Variants in CENPP observed in about 807,000 individuals in gnomAD.
CENPP encodes centromere protein P.
Under a neutral mutation model 35.6 loss-of-function variants are expected in CENPP, and 24 were observed. The ratio of observed to expected loss-of-function variants is 0.67; its 90% confidence interval spans 0.49 to 0.95. The LOEUF is 0.95. CENPP is among the 40% of genes least tolerant of loss of function. The pLI is 0.00. For synonymous variants in CENPP, 120 were observed against 125.5 expected (o/e 0.96, Z 0.29); for missense variants, 332 against 345.3 (o/e 0.96, Z 0.31).
chr9:92,613,187 T>C lies in CENPP; in HGVS notation c.*38T>C, dbSNP rs1365306781. The stretch of plus-strand genomic sequence containing the variant: ...GAACGTGGAGGATGAAGATGCTGCG[T>C]GGAGGAACATGCAATTTTATTCAAT... On this transcript the variant is annotated 3_prime_UTR_variant, in exon 8 of 8. Transcript: ENST00000375587. 2 of 1,612,572 alleles carry C rather than the reference T, an allele frequency of 1.2e-6. No homozygotes were observed. Among genetic ancestry groups the C allele is most frequent in the East Asian group, 4.5e-5 (2 of 44,838 alleles).
chr9:92,415,542 CTA>C lies in CENPP; in HGVS notation c.564+35685_564+35686del, dbSNP rs1358126429. 10 of 867,360 alleles carry C rather than the reference CTA, an allele frequency of 1.2e-5. No individual in the cohort carries two copies. In the African/African-American group the frequency reaches 1.2e-4, roughly 11 times the overall value. 53.7% of individuals were successfully genotyped at this position (867,360 alleles called of 1,614,324 possible). A position where few individuals can be genotyped will look rare whatever the true frequency, so the allele number is the denominator to read the frequency against. On this transcript the variant is annotated intron_variant, in intron 5 of 7. Coordinates refer to ENST00000375587, the MANE Select transcript of CENPP (RefSeq NM_001012267.3). Reference sequence around the variant, plus strand: ...ATAATCCATAGTTATAGCCATAATTCTATGTTAGATTTTATATTGTATGGGAT... The same window carrying C: ...ATAATCCATAGTTATAGCCATAATTCTGTTAGATTTTATATTGTATGGGAT...
At chr9:92,586,148 C>T (rs540451506) in intron 5 of CENPP, among the ~76,000 whole-genome samples, 3 of 152,276 alleles carry the variant, frequency 2.0e-5, no homozygotes, top group East Asian at 3.9e-4. Context: ...CGGTTTCAGA[C>T]GATTCTCCTG....
At chr9:92,462,020 CA>C (rs1207088681) in intron 5 of CENPP, among the ~76,000 whole-genome samples, 2 of 152,000 alleles carry the variant, frequency 1.3e-5, no homozygotes, top group Non-Finnish European at 1.5e-5. Context: ...CTCTGTCACC[CA>C]GGCTGGAGTG....
intron 5 of CENPP, among the ~76,000 whole-genome samples, chr9:92,472,521 G>A (rs1319978423): frequency 6.6e-6 from 1 of 150,692 alleles, no homozygotes; most frequent in African/African-American, 2.4e-5. Context: ...AGCCAGGCAT[G>A]GTGGTGTGCG....
chr9:92,388,016 G>A (rs577896286), intron 5 of CENPP, among the ~76,000 whole-genome samples: 119 of 151,724 alleles, frequency 7.8e-4, no homozygotes, highest in Non-Finnish European at 1.3e-3. Flanking sequence ...TGCCCGCCTT[G>A]GCCTCCCAAA....
At chr9:92,332,118 A>G in intron 1 of CENPP, 52 bp from the exon 2 acceptor site, 2 of 1,264,038 alleles carry the variant, frequency 1.6e-6, no homozygotes, top group African/African-American at 1.5e-5. Context: ...GGGTTATTAG[A>G]TGAAACACGT....
At chr9:92,586,070 C>A (rs1416496617) in intron 5 of CENPP, among the ~76,000 whole-genome samples, 1 of 151,956 alleles carries the variant, frequency 6.6e-6, no homozygotes, top group Non-Finnish European at 1.5e-5. Context: ...TTTGAGACAG[C>A]GTTTCGCTCT....
chr9:92,616,098 C>A lies in CENPP; in HGVS notation c.*2949C>A. On this transcript the variant is annotated 3_prime_UTR_variant, in exon 8 of 8. Transcript: ENST00000375587. ...ACCATTTCAGGATACACAAGCCCCC[C>A]ATTCATTTCCCTCCCTCCCGTTCTC... is the stretch of plus-strand genomic sequence containing the variant. The A allele has an allele frequency of 7.2e-7, 1 of 1,388,368 alleles. No homozygotes were observed. The highest frequency in any genetic ancestry group is 1.2e-5 in the South Asian group (1 of 82,466). 86.0% of individuals were successfully genotyped at this position (1,388,368 alleles called of 1,614,324 possible). A position where few individuals can be genotyped will look rare whatever the true frequency, so the allele number is the denominator to read the frequency against.
At chr9:92,560,045 T>C (rs1451620953) in intron 5 of CENPP, among the ~76,000 whole-genome samples, 1 of 152,012 alleles carries the variant, frequency 6.6e-6, no homozygotes, top group Non-Finnish European at 1.5e-5. Flanking sequence ...GAGGCTGAGG[T>C]GGGAGGATCA....
chr9:92,428,282 G>A (rs1844019042), intron 5 of CENPP, among the ~76,000 whole-genome samples: 1 of 152,126 alleles, frequency 6.6e-6, no homozygotes. Context: ...AGAAGTTTGG[G>A]AGTCCTTTAA....
intron 5 of CENPP, among the ~76,000 whole-genome samples, chr9:92,557,471 G>T (rs1041609712): frequency 6.6e-6 from 1 of 152,044 alleles, no homozygotes; most frequent in Non-Finnish European, 1.5e-5. Flanking sequence ...TCTTAGGTTT[G>T]GTCGTTTAAC....
chr9:92,567,716 A>G (rs1230084639), intron 5 of CENPP, among the ~76,000 whole-genome samples: 5 of 152,124 alleles, frequency 3.3e-5, no homozygotes, highest in Non-Finnish European at 7.4e-5. Flanking sequence ...TAATTTTGTG[A>G]CAGAGCTGTT....
intron 3 of CENPP, chr9:92,340,164 T>C (rs1202800952): frequency 6.5e-6 from 1 of 153,116 alleles, no homozygotes; most frequent in African/African-American, 2.4e-5. Context: ...AGTTGCCTCA[T>C]AGGTTATGCG....
At chr9:92,453,634 T>G (rs924236919) in intron 5 of CENPP, among the ~76,000 whole-genome samples, 18 of 152,020 alleles carry the variant, frequency 1.2e-4, no homozygotes, top group African/African-American at 4.3e-4. Flanking sequence ...TCCCACACAA[T>G]AATAATGGGA....
At chr9:92,487,980 A>C (rs1846099273) in intron 5 of CENPP, among the ~76,000 whole-genome samples, 1 of 152,254 alleles carries the variant, frequency 6.6e-6, no homozygotes, top group Non-Finnish European at 1.5e-5. Flanking sequence ...ACTTTATTAT[A>C]AAATCAGCTT....
intron 5 of CENPP, chr9:92,494,037 A>G: frequency 6.3e-7 from 1 of 1,585,922 alleles, no homozygotes; most frequent in South Asian, 1.1e-5. Context: ...CTGACTGCAC[A>G]GCACTTGCCT....
chr9:92,401,248 A>T, intron 5 of CENPP: 1 of 765,922 alleles, frequency 1.3e-6, no homozygotes, highest in South Asian at 1.5e-5. Flanking sequence ...TGTAAAATGA[A>T]GGGATCACAG....
At position 92,613,003 on chromosome 9, in the gene CENPP, A is replaced by G. The variant is rs564124332; in HGVS notation, c.737-16A>G. ...CACCTTGAAGTTTCTTACCCGGTTT[A>G]ATGTTTTCTTTATAGCCCTGGAGCT... On this transcript the variant is annotated splice_polypyrimidine_tract_variant and intron_variant, in intron 7 of 7. Coordinates refer to ENST00000375587, the MANE Select transcript of CENPP (RefSeq NM_001012267.3). 6.2e-6 allele frequency: 10 copies of G among 1,613,688 alleles called. No individual in the cohort carries two copies. The highest frequency in any genetic ancestry group is 8.5e-6 in the Non-Finnish European group (10 of 1,179,936).
rs528597147 is a variant in CENPP, at chr9:92,494,273, G to A, written c.564+114414G>A. ...TTGAGCCCCCTTTAATACTAATTTT[G>A]TTTACAGCTTAGATTGCCTTAAACC... On this transcript the variant is annotated intron_variant, in intron 5 of 7. Coordinates refer to ENST00000375587, the MANE Select transcript of CENPP (RefSeq NM_001012267.3). The A allele has an allele frequency of 1.7e-5, 14 of 839,916 alleles. No homozygotes were observed. In the South Asian group the frequency reaches 1.8e-4, roughly 11 times the overall value. 52.0% of individuals were successfully genotyped at this position (839,916 alleles called of 1,614,324 possible).
Sources: gnomAD v4.1 joint callset for allele counts (sites outside exome capture counted in the v4.1 genomes callset) on GRCh38, gnomAD v4.1.1 for gene constraint, MANE v1.5 for transcripts, NCBI Gene and HGNC (gene_info 2026-07-23, HGNC 2026-07-21) for gene names.